Variants in NDFIP2 observed in about 807,000 individuals in gnomAD.
The protein encoded by NDFIP2 is Nedd4 family interacting protein 2.
A neutral mutation model predicts 36.0 loss-of-function variants in NDFIP2; 19 were observed. The observed-to-expected ratio is 0.53, with a 90% CI of 0.37 to 0.77. NDFIP2 has a LOEUF of 0.77. Ranked by LOEUF, NDFIP2 falls within the 30% of genes least tolerant of loss-of-function variation. The probability of loss-of-function intolerance (pLI) is 0.00; values close to 1 mark genes in which losing one functional copy is unlikely to be tolerated. For missense variants in NDFIP2, 446 were observed against 435.8 expected (o/e 1.02, Z -0.21); for synonymous variants, 181 against 167.7 (o/e 1.08, Z -0.61).
intron 7 of NDFIP2, among the ~76,000 whole-genome samples, chr13:79,551,678 T>C (rs1452425179): frequency 1.3e-5 from 2 of 151,514 alleles, no homozygotes; most frequent in Admixed American, 1.3e-4. Flanking sequence ...CTATGAAGGC[T>C]ACAACTTGAA....
chr13:79,554,617 C>T lies in NDFIP2; in HGVS notation c.*2104C>T, dbSNP rs1876037803. On this transcript the variant is annotated 3_prime_UTR_variant, in exon 8 of 8. Coordinates refer to ENST00000218652, the MANE Select transcript of NDFIP2 (RefSeq NM_019080.3). Reference sequence around the variant, plus strand: ...ATAATTCAATGGTAGCCTTAAATCTCATCATGTAAGCAGGGGAATCAGAAT... The same window carrying T: ...ATAATTCAATGGTAGCCTTAAATCTTATCATGTAAGCAGGGGAATCAGAAT... The T allele has an allele frequency of 2.0e-5, 3 of 151,810 alleles. No homozygotes were observed. The highest frequency in any genetic ancestry group is 1.3e-4 in the Admixed American group (2 of 15,222). 9.4% of individuals were successfully genotyped at this position (151,810 alleles called of 1,614,324 possible).
At chr13:79,517,249 G>A (rs1874386896) in intron 1 of NDFIP2, among the ~76,000 whole-genome samples, 2 of 152,124 alleles carry the variant, frequency 1.3e-5, no homozygotes, top group Non-Finnish European at 2.9e-5. Context: ...CAGGAATGAT[G>A]GCTTTTGAGG....
chr13:79,521,147 A>G (rs960473241), intron 2 of NDFIP2, among the ~76,000 whole-genome samples, 172 bp downstream of exon 2: 1 of 152,106 alleles, frequency 6.6e-6, no homozygotes, highest in African/African-American at 2.4e-5. Context: ...ACACACATAT[A>G]TATGTGTGTA....
chr13:79,536,524 A>G (rs923554821), intron 3 of NDFIP2, among the ~76,000 whole-genome samples: 1 of 152,228 alleles, frequency 6.6e-6, no homozygotes, highest in Non-Finnish European at 1.5e-5. Context: ...TACCAATTTC[A>G]GGATTCACAA....
intron 1 of NDFIP2, among the ~76,000 whole-genome samples, chr13:79,489,167 A>C (rs538030117): frequency 6.6e-6 from 1 of 152,028 alleles, no homozygotes; most frequent in East Asian, 1.9e-4. Context: ...TGTTGATTCT[A>C]CTCCACATAG....
intron 1 of NDFIP2, among the ~76,000 whole-genome samples, chr13:79,508,045 T>C (rs1873938385): frequency 1.3e-5 from 2 of 152,222 alleles, no homozygotes; most frequent in African/African-American, 4.8e-5. Flanking sequence ...TTTATACTTT[T>C]TGAGCTTGCT....
chr13:79,521,484 T>C (rs1874580339), intron 2 of NDFIP2, among the ~76,000 whole-genome samples: 2 of 152,220 alleles, frequency 1.3e-5, no homozygotes, highest in African/African-American at 4.8e-5. Flanking sequence ...TTCTCTAGTC[T>C]AATAATTTCT....
At chr13:79,485,172 C>T (rs537054180) in intron 1 of NDFIP2, among the ~76,000 whole-genome samples, 7 of 152,248 alleles carry the variant, frequency 4.6e-5, no homozygotes, top group Admixed American at 3.9e-4. Flanking sequence ...TGCATCACAG[C>T]TGAGGAACTC....
chr13:79,481,697 C>T (rs1037869108), intron 1 of NDFIP2, among the ~76,000 whole-genome samples, 173 bp downstream of exon 1: 2 of 152,114 alleles, frequency 1.3e-5, no homozygotes, highest in Non-Finnish European at 2.9e-5. Flanking sequence ...CCTGCGCACT[C>T]CTGCCTAGGA....
intron 1 of NDFIP2, among the ~76,000 whole-genome samples, chr13:79,485,154 A>G (rs921408981): frequency 5.9e-5 from 9 of 152,162 alleles, no homozygotes; most frequent in Admixed American, 5.9e-4. Context: ...GGATTCGTGC[A>G]GTGGGTTTGC....
At chr13:79,543,890 G>A (rs1875555384) in intron 5 of NDFIP2, among the ~76,000 whole-genome samples, 2 of 152,070 alleles carry the variant, frequency 1.3e-5, no homozygotes, top group African/African-American at 4.8e-5. Flanking sequence ...ATAGTGGAAA[G>A]AACTTTGAAA....
chr13:79,533,270 G>T (rs1875088102), intron 2 of NDFIP2, 53 bp from the exon 3 acceptor site: 1 of 1,552,638 alleles, frequency 6.4e-7, no homozygotes. Context: ...CATGGCTATG[G>T]CTACAAAATT....
Position 79,554,164 on chromosome 13 carries a change from ATTG to A in NDFIP2, c.*1656_*1658del, listed in dbSNP as rs1876017979. The stretch of plus-strand genomic sequence containing the variant: ...TTTTTATTGTTATATTAAAATTTTT[ATTG>A]TTGTATTAAAGTACCTGTGTTACAC... On this transcript the variant is annotated 3_prime_UTR_variant, in exon 8 of 8. Coordinates refer to ENST00000218652, the MANE Select transcript of NDFIP2 (RefSeq NM_019080.3). The A allele has an allele frequency of 6.6e-6, 1 of 151,392 alleles. No homozygotes were observed. Among genetic ancestry groups the A allele is most frequent in the Non-Finnish European group, 1.5e-5 (1 of 67,540 alleles). The allele number at this position is 151,392 out of a possible 1,614,324, so 9.4% of individuals were successfully genotyped here.
intron 3 of NDFIP2, among the ~76,000 whole-genome samples, 188 bp downstream of exon 3, chr13:79,533,644 T>C (rs1229041967): frequency 6.6e-6 from 1 of 152,198 alleles, no homozygotes; most frequent in Non-Finnish European, 1.5e-5. Flanking sequence ...AAAAATATTT[T>C]GGAGATCTGC....
chr13:79,521,436 C>T (rs549916704), intron 2 of NDFIP2, among the ~76,000 whole-genome samples: 1 of 152,266 alleles, frequency 6.6e-6, no homozygotes, highest in East Asian at 1.9e-4. Flanking sequence ...ATTTAGTATA[C>T]TATCTGATGA....
At chr13:79,483,483 G>A (rs1320230521) in intron 1 of NDFIP2, among the ~76,000 whole-genome samples, 1 of 152,084 alleles carries the variant, frequency 6.6e-6, no homozygotes, top group Non-Finnish European at 1.5e-5. Flanking sequence ...CAACTATTTT[G>A]TGGTTGCCTT....
chr13:79,483,947 C>T (rs7984241), intron 1 of NDFIP2, among the ~76,000 whole-genome samples: 1,728 of 152,222 alleles, frequency 0.011, 34 homozygotes, highest in African/African-American at 0.04. Flanking sequence ...CTAACTATGA[C>T]GAAGTTGACT....
intron 1 of NDFIP2, 119 bp from the exon 2 acceptor site, chr13:79,520,691 T>A (rs1263551805): frequency 1.1e-6 from 1 of 899,740 alleles, no homozygotes; most frequent in Non-Finnish European, 1.6e-6. Context: ...TATCTAAAAA[T>A]GCCATTTTCT....
At chr13:79,534,350 G>GTT (rs532659161) in intron 3 of NDFIP2, among the ~76,000 whole-genome samples, 4,919 of 95,352 alleles carry the variant, frequency 0.052, 459 homozygotes, top group East Asian at 0.22. Context: ...TTTGTCAGCT[G>GTT]TTTTTTTTTT....
Sources: allele counts gnomAD v4.1 joint callset (sites outside exome capture counted in the v4.1 genomes callset), GRCh38; gene constraint gnomAD v4.1.1; transcripts MANE v1.5; gene names NCBI Gene and HGNC (gene_info 2026-07-23, HGNC 2026-07-21).